Variants in MAGI1 observed in about 807,000 individuals in gnomAD.
The protein encoded by MAGI1 is membrane associated guanylate kinase, WW and PDZ domain containing 1, also known as membrane-associated guanylate kinase, WW and PDZ domain-containing protein 1.
Under a neutral mutation model 139.9 loss-of-function variants are expected in MAGI1, and 58 were observed. The observed-to-expected ratio is 0.41, with a 90% CI of 0.34 to 0.52. The LOEUF (loss-of-function observed/expected upper bound fraction) is 0.52. Among genes scored for constraint, MAGI1 ranks in the 20% least tolerant of loss-of-function variants. The probability of loss-of-function intolerance (pLI) is 0.12; values close to 1 mark genes in which losing one functional copy is unlikely to be tolerated. For missense variants in MAGI1, 1,874 were observed against 1,901.6 expected (o/e 0.99, Z 0.27); for synonymous variants, 812 against 737.9 (o/e 1.10, Z -1.63).
chr3:65,870,768 T>C (rs950408206), intron 1 of MAGI1, among the ~76,000 whole-genome samples: 9 of 151,664 alleles, frequency 5.9e-5, no homozygotes, highest in African/African-American at 1.5e-4. Context: ...ACTAAGACTT[T>C]TATATGTTCC....
intron 1 of MAGI1, chr3:65,687,245 G>A (rs60730645): frequency 0.013 from 2,314 of 179,518 alleles, 57 homozygotes; most frequent in African/African-American, 0.052. Context: ...TTAAAAGAGA[G>A]GGGGGCAGGG....
At chr3:65,457,982 T>G (rs1177580579) in intron 5 of MAGI1, among the ~76,000 whole-genome samples, 2 of 152,168 alleles carry the variant, frequency 1.3e-5, no homozygotes, top group Non-Finnish European at 2.9e-5. Flanking sequence ...GTAACCATCA[T>G]TCTACTCTAC....
At chr3:65,794,110 A>T (rs898378132) in intron 1 of MAGI1, among the ~76,000 whole-genome samples, 4 of 152,196 alleles carry the variant, frequency 2.6e-5, no homozygotes, top group Admixed American at 6.5e-5. Flanking sequence ...GACAGCAGTA[A>T]CACTAAAAGG....
intron 1 of MAGI1, among the ~76,000 whole-genome samples, chr3:65,950,068 A>AAAAAAAC (rs2063738474): frequency 6.2e-4 from 3 of 4,824 alleles, no homozygotes; most frequent in Non-Finnish European, 8.7e-4. Flanking sequence ...ACAAAAAAAC[A>AAAAAAAC]AAAAAAAAAC....
chr3:65,364,611 G>C, intron 20 of MAGI1, 54 bp downstream of exon 20: 11 of 1,489,676 alleles, frequency 7.4e-6, no homozygotes, highest in Non-Finnish European at 1.0e-5. Flanking sequence ...AGTAGCTTGA[G>C]AAAGTTGGAA....
intron 1 of MAGI1, among the ~76,000 whole-genome samples, chr3:65,914,996 G>A (rs2061833829): frequency 6.6e-6 from 1 of 152,206 alleles, no homozygotes; most frequent in African/African-American, 2.4e-5. Flanking sequence ...ATAAATGATA[G>A]TTGATAATTT....
chr3:65,796,226 G>A (rs1438245509), intron 1 of MAGI1, among the ~76,000 whole-genome samples: 4 of 152,066 alleles, frequency 2.6e-5, no homozygotes, highest in South Asian at 2.1e-4. Flanking sequence ...TATTTTCTTT[G>A]TCTTTTAAGG....
intron 1 of MAGI1, among the ~76,000 whole-genome samples, chr3:65,885,124 C>T (rs189272150): frequency 3.9e-5 from 6 of 152,210 alleles, no homozygotes; most frequent in East Asian, 3.9e-4. Flanking sequence ...TCAGGTCGGG[C>T]GCAGCAGCTC....
intron 1 of MAGI1, among the ~76,000 whole-genome samples, chr3:65,698,386 A>G (rs1305912731): frequency 6.8e-6 from 1 of 146,620 alleles, no homozygotes; most frequent in Non-Finnish European, 1.5e-5. Flanking sequence ...TTTAAAGTTC[A>G]TATGGAACCA....
chr3:65,721,661 T>C (rs2033038957), intron 1 of MAGI1, among the ~76,000 whole-genome samples: 1 of 152,166 alleles, frequency 6.6e-6, no homozygotes, highest in Non-Finnish European at 1.5e-5. Context: ...AAGAAGGTCA[T>C]TTACACAGAA....
intron 1 of MAGI1, among the ~76,000 whole-genome samples, chr3:65,737,839 G>A (rs1476155463): frequency 4.6e-5 from 7 of 152,062 alleles, no homozygotes; most frequent in Non-Finnish European, 8.8e-5. Context: ...GAAGCCTGAA[G>A]TTTCACTTAA....
intron 2 of MAGI1, among the ~76,000 whole-genome samples, chr3:65,551,114 G>A (rs1393719795): frequency 1.3e-5 from 2 of 152,130 alleles, no homozygotes; most frequent in Non-Finnish European, 2.9e-5. Flanking sequence ...GGCGATTTCT[G>A]CCATGCTGTT....
At chr3:65,377,178 T>C (rs1575558674) in intron 17 of MAGI1, among the ~76,000 whole-genome samples, 1 of 152,184 alleles carries the variant, frequency 6.6e-6, no homozygotes, top group Non-Finnish European at 1.5e-5. Context: ...CCTTTGAATT[T>C]CAGCAGATTT....
At chr3:65,667,810 C>A (rs921598856) in intron 1 of MAGI1, among the ~76,000 whole-genome samples, 1 of 152,096 alleles carries the variant, frequency 6.6e-6, no homozygotes, top group Non-Finnish European at 1.5e-5. Flanking sequence ...GTAATCCACC[C>A]ACCTTGGCCT....
intron 1 of MAGI1, among the ~76,000 whole-genome samples, chr3:65,733,793 C>T (rs1302388255): frequency 6.6e-6 from 1 of 152,124 alleles, no homozygotes; most frequent in African/African-American, 2.4e-5. Flanking sequence ...CTGCTCAGTC[C>T]AGAAGCACAG....
chr3:65,983,477 G>A (rs186646517), intron 1 of MAGI1, among the ~76,000 whole-genome samples: 1 of 152,338 alleles, frequency 6.6e-6, no homozygotes, highest in Admixed American at 6.5e-5. Context: ...CACTCACATA[G>A]TTTGGATGAA....
intron 2 of MAGI1, among the ~76,000 whole-genome samples, chr3:65,591,582 G>A (rs1449151458): frequency 6.6e-6 from 1 of 152,130 alleles, no homozygotes; most frequent in African/African-American, 2.4e-5. Context: ...TTGGGAGCAT[G>A]TTACTGCCTG....
At chr3:65,459,316 G>C (rs1241589176) in intron 5 of MAGI1, among the ~76,000 whole-genome samples, 1 of 152,108 alleles carries the variant, frequency 6.6e-6, no homozygotes, top group East Asian at 1.9e-4. Context: ...TTTTAGAATT[G>C]TTTTTTATAT....
At chr3:65,795,145 T>A (rs1253107984) in intron 1 of MAGI1, among the ~76,000 whole-genome samples, 2 of 152,232 alleles carry the variant, frequency 1.3e-5, no homozygotes, top group Non-Finnish European at 2.9e-5. Flanking sequence ...TCTCTTGTGC[T>A]TTTAAATGAG....
Sources: gnomAD v4.1 joint callset for allele counts (sites outside exome capture counted in the v4.1 genomes callset) on GRCh38, gnomAD v4.1.1 for gene constraint, MANE v1.5 for transcripts, NCBI Gene and HGNC (gene_info 2026-07-23, HGNC 2026-07-21) for gene names.